CCDC171: variants seen among roughly 807,000 people sequenced by gnomAD.
The protein encoded by CCDC171 is coiled-coil domain containing 171.
CCDC171 carries 177 observed loss-of-function variants against 168.2 expected under a neutral mutation model. The observed-to-expected ratio is 1.05, with a 90% confidence interval of 0.93 to 1.19. CCDC171 has a LOEUF of 1.19. Among genes scored for constraint, CCDC171 ranks in the 50% most tolerant of loss-of-function variants. CCDC171 has a pLI of 0.00. For missense variants in CCDC171, 1,991 were observed against 1,539.0 expected (o/e 1.29, Z -4.91); for synonymous variants, 687 against 540.8 (o/e 1.27, Z -3.75).
rs775227843 is a variant in CCDC171 at position 15,721,870 on chromosome 9, A to C, written c.1420A>C (p.Asn474His). Residue 474 changes from asparagine (N) to histidine (H), a missense_variant, in exon 12 of 26, where the codon AAT (asparagine) becomes CAT (histidine). Asn to His is a moderately conservative substitution (Grantham distance 68, BLOSUM62 1). Transcript: ENST00000380701. ...DYQNKLEDAS[N>H]EEKACNELDS... ...CCAGAACAAGCTGGAAGATGCATCT[A>C]ATGAGGTAACACTTGCACTGTTTGG... 3 of 1,536,838 alleles carry C rather than the reference A, an allele frequency of 2.0e-6. No individual in the cohort carries two copies. The highest frequency in any genetic ancestry group is 2.6e-6 in the Non-Finnish European group (3 of 1,134,950).
chr9:15,597,779 C>G (rs1201533737), intron 6 of CCDC171, among the ~76,000 whole-genome samples: 2 of 152,020 alleles, frequency 1.3e-5, no homozygotes, highest in Non-Finnish European at 2.9e-5. Flanking sequence ...TGGTTCTGGA[C>G]TTTTTTTGGT....
chr9:15,767,800 C>A (rs935291553), intron 18 of CCDC171, among the ~76,000 whole-genome samples: 3 of 146,946 alleles, frequency 2.0e-5, no homozygotes, highest in African/African-American at 7.6e-5. Context: ...CCTATGGGCT[C>A]TTTTTCTTTT....
intron 1 of CCDC171, among the ~76,000 whole-genome samples, chr9:16,058,049 A>T (rs1002568535): frequency 6.7e-6 from 1 of 149,142 alleles, no homozygotes. Flanking sequence ...TTTGAAAAAA[A>T]AAAAATAATA....
At chr9:15,648,848 A>T (rs1191763378) in intron 7 of CCDC171, among the ~76,000 whole-genome samples, 3 of 152,204 alleles carry the variant, frequency 2.0e-5, no homozygotes, top group African/African-American at 4.8e-5. Context: ...ATTCAATGCC[A>T]TCCCCATCAA....
At chr9:16,078,639 G>T in the CCDC171 span, among the ~76,000 whole-genome samples, 1 of 152,264 alleles carries the variant, frequency 6.6e-6, no homozygotes, top group Admixed American at 6.5e-5. Flanking sequence ...AAATCAACTT[G>T]TGACTGATAG....
At chr9:15,696,097 C>T (rs369532228) in intron 11 of CCDC171, among the ~76,000 whole-genome samples, 1 of 152,178 alleles carries the variant, frequency 6.6e-6, no homozygotes, top group African/African-American at 2.4e-5. Flanking sequence ...GGTCTTCTAA[C>T]ACAATTCTAT....
intron 10 of CCDC171, among the ~76,000 whole-genome samples, chr9:15,688,018 C>T (rs1050301020): frequency 4.0e-5 from 6 of 150,460 alleles, no homozygotes; most frequent in African/African-American, 1.5e-4. Flanking sequence ...ACTTGGGAGG[C>T]TGAGGCAGGA....
chr9:15,804,794 C>T (rs1178244028), intron 21 of CCDC171, among the ~76,000 whole-genome samples: 1 of 151,716 alleles, frequency 6.6e-6, no homozygotes, highest in Non-Finnish European at 1.5e-5. Context: ...AGGAATCTCT[C>T]CTCCTCAATT....
intron 18 of CCDC171, among the ~76,000 whole-genome samples, chr9:15,754,968 G>T (rs150990829): frequency 2.2e-3 from 330 of 152,232 alleles, no homozygotes; most frequent in Non-Finnish European, 3.9e-3. Flanking sequence ...AATGTTATAT[G>T]TAGCTATAAA....
At chr9:15,871,322 G>A (rs1380008129) in intron 23 of CCDC171, among the ~76,000 whole-genome samples, 1 of 151,690 alleles carries the variant, frequency 6.6e-6, no homozygotes, top group Non-Finnish European at 1.5e-5. Flanking sequence ...AAAAGGCATA[G>A]AATCTTGATT....
At chr9:15,556,050 A>G (rs1586927440) in intron 1 of CCDC171, among the ~76,000 whole-genome samples, 1 of 152,162 alleles carries the variant, frequency 6.6e-6, no homozygotes, top group Non-Finnish European at 1.5e-5. Context: ...TCCATGGTGT[A>G]TATGTGCCAC....
At chr9:15,951,814 G>A (rs932928376) in intron 25 of CCDC171, among the ~76,000 whole-genome samples, 7 of 152,030 alleles carry the variant, frequency 4.6e-5, no homozygotes, top group African/African-American at 1.7e-4. Context: ...TCTGTGGGTT[G>A]CCTTTTTACT....
chr9:16,078,154 C>T, the CCDC171 span, among the ~76,000 whole-genome samples: 9 of 151,554 alleles, frequency 5.9e-5, no homozygotes, highest in African/African-American at 1.2e-4. Flanking sequence ...TCAGTGTATA[C>T]GTATGTCAAA....
intron 13 of CCDC171, 97 bp downstream of exon 13, chr9:15,723,843 T>C (rs1293437686): frequency 3.8e-6 from 2 of 525,878 alleles, no homozygotes; most frequent in Non-Finnish European, 6.5e-6. Flanking sequence ...CCTGAAAATA[T>C]GTATTTCTAT....
intron 23 of CCDC171, among the ~76,000 whole-genome samples, chr9:15,856,728 G>T (rs1563879912): frequency 1.3e-5 from 2 of 152,036 alleles, no homozygotes; most frequent in South Asian, 4.1e-4. Flanking sequence ...ACCCAGAAGT[G>T]GTTGCTGAAT....
intron 25 of CCDC171, among the ~76,000 whole-genome samples, chr9:15,958,135 C>T (rs972660160): frequency 6.6e-6 from 1 of 151,802 alleles, no homozygotes; most frequent in Non-Finnish European, 1.5e-5. Flanking sequence ...TTCATTCATT[C>T]ATTCATTCAT....
chr9:15,742,629 C>G (rs926154486), intron 16 of CCDC171, among the ~76,000 whole-genome samples: 1 of 152,120 alleles, frequency 6.6e-6, no homozygotes, highest in African/African-American at 2.4e-5. Context: ...TACTAATGGT[C>G]TTTATGTGGA....
At chr9:15,884,381 T>C (rs971520091) in intron 24 of CCDC171, among the ~76,000 whole-genome samples, 2 of 152,184 alleles carry the variant, frequency 1.3e-5, no homozygotes, top group Non-Finnish European at 2.9e-5. Context: ...TGGTCAGGTA[T>C]ATATAGATTG....
intron 6 of CCDC171, among the ~76,000 whole-genome samples, chr9:15,595,729 T>C (rs2042298582): frequency 6.6e-6 from 1 of 152,226 alleles, no homozygotes; most frequent in South Asian, 2.1e-4. Flanking sequence ...CCACACTGAC[T>C]TCCACAATGA....
Sources: allele counts gnomAD v4.1 joint callset (sites outside exome capture counted in the v4.1 genomes callset), GRCh38; gene constraint gnomAD v4.1.1; transcripts MANE v1.5; gene names NCBI Gene and HGNC (gene_info 2026-07-23, HGNC 2026-07-21).